Variants in SGCZ observed in about 807,000 individuals in gnomAD.
SGCZ encodes the protein sarcoglycan zeta.
In SGCZ, 40 loss-of-function variants were observed where a neutral mutation model predicts 41.3. That is an observed-to-expected ratio of 0.97 (90% CI 0.75 to 1.26). SGCZ has a LOEUF of 1.26. SGCZ is among the 50% of genes most tolerant of loss of function. The pLI is 0.00. For synonymous variants in SGCZ, 206 were observed against 137.5 expected, an observed-to-expected ratio of 1.50 and a Z score of -3.49; for missense variants, 552 against 369.8, an observed-to-expected ratio of 1.49 and a Z score of -4.04.
chr8:14,325,564 AATCATATATAATAG>A (rs1427293204), intron 2 of SGCZ, among the ~76,000 whole-genome samples: 49 of 144,996 alleles, frequency 3.4e-4, no homozygotes, highest in Non-Finnish European at 6.7e-4. Context: ...ATATAATCAT[AATCATATATAATAG>A]ATCATATATA....
chr8:15,222,081 A>G (rs1161034927), intron 1 of SGCZ, among the ~76,000 whole-genome samples: 2 of 152,232 alleles, frequency 1.3e-5, no homozygotes, highest in Non-Finnish European at 2.9e-5. Context: ...AATTATATGT[A>G]AGTTGGTTAG....
At chr8:14,577,250 C>T (rs1395678629) in intron 1 of SGCZ, among the ~76,000 whole-genome samples, 1 of 152,132 alleles carries the variant, frequency 6.6e-6, no homozygotes, top group Non-Finnish European at 1.5e-5. Context: ...AAACAACTTA[C>T]TGCTGTTTTT....
intron 1 of SGCZ, among the ~76,000 whole-genome samples, chr8:14,748,100 C>T (rs923279556): frequency 6.6e-6 from 1 of 152,078 alleles, no homozygotes; most frequent in African/African-American, 2.4e-5. Context: ...ATCACATACG[C>T]TTCTCAAAGG....
intron 1 of SGCZ, among the ~76,000 whole-genome samples, chr8:15,058,536 C>T (rs1804799122): frequency 6.6e-6 from 1 of 152,154 alleles, no homozygotes; most frequent in Non-Finnish European, 1.5e-5. Context: ...GCACCTTAAG[C>T]TGATTTTACT....
At chr8:14,261,961 T>A (rs1381459423) in intron 3 of SGCZ, among the ~76,000 whole-genome samples, 1 of 152,102 alleles carries the variant, frequency 6.6e-6, no homozygotes, top group Non-Finnish European at 1.5e-5. Flanking sequence ...CTCACACGAG[T>A]TGAAAGATAA....
intron 1 of SGCZ, among the ~76,000 whole-genome samples, chr8:14,653,682 T>C (rs1807472712): frequency 6.6e-6 from 1 of 152,068 alleles, no homozygotes; most frequent in Non-Finnish European, 1.5e-5. Flanking sequence ...TTCTCATTCC[T>C]GTCCCTGAAG....
chr8:14,641,986 A>G (rs1807041396), intron 1 of SGCZ, among the ~76,000 whole-genome samples: 1 of 151,642 alleles, frequency 6.6e-6, no homozygotes. Flanking sequence ...GCAGGGATGC[A>G]AGGCCTTGGA....
At chr8:14,328,763 C>T (rs1202237426) in intron 2 of SGCZ, among the ~76,000 whole-genome samples, 1 of 152,086 alleles carries the variant, frequency 6.6e-6, no homozygotes, top group Non-Finnish European at 1.5e-5. Context: ...AACTTAAGGG[C>T]CAATGTGATA....
intron 1 of SGCZ, among the ~76,000 whole-genome samples, chr8:15,031,587 G>A (rs1803664250): frequency 5.3e-5 from 8 of 152,152 alleles, no homozygotes; most frequent in Admixed American, 5.2e-4. Flanking sequence ...AGAAAGTCAA[G>A]GAATATGTGC....
At chr8:14,156,319 G>C (rs141223446) in intron 5 of SGCZ, among the ~76,000 whole-genome samples, 197 of 152,114 alleles carry the variant, frequency 1.3e-3, no homozygotes, top group African/African-American at 4.5e-3. Context: ...AGTTAGCCGG[G>C]CGTGGTGGTG....
intron 4 of SGCZ, among the ~76,000 whole-genome samples, chr8:14,175,507 G>C (rs765699561): frequency 1.3e-5 from 2 of 152,098 alleles, no homozygotes; most frequent in African/African-American, 2.4e-5. Context: ...TATGCATTCT[G>C]AGGTTGCATT....
chr8:14,233,484 G>A (rs901239130), intron 4 of SGCZ, among the ~76,000 whole-genome samples: 1 of 150,520 alleles, frequency 6.6e-6, no homozygotes, highest in Non-Finnish European at 1.5e-5. Flanking sequence ...CATTTTCAGT[G>A]ATCCAAATTA....
intron 1 of SGCZ, among the ~76,000 whole-genome samples, chr8:14,988,339 C>G (rs926513439): frequency 2.6e-5 from 4 of 151,878 alleles, no homozygotes; most frequent in African/African-American, 4.8e-5. Context: ...ATATACCATA[C>G]TTTCTTTTTT....
At chr8:14,963,582 A>T (rs865904645) in intron 1 of SGCZ, among the ~76,000 whole-genome samples, 16 of 152,056 alleles carry the variant, frequency 1.1e-4, no homozygotes, top group South Asian at 4.1e-4. Flanking sequence ...ACCTGACCTC[A>T]AGTGATCCAC....
At chr8:14,591,054 T>C (rs1279183387) in intron 1 of SGCZ, among the ~76,000 whole-genome samples, 1 of 151,378 alleles carries the variant, frequency 6.6e-6, no homozygotes, top group Non-Finnish European at 1.5e-5. Context: ...AGAGACTTGC[T>C]CAATGTTGTG....
rs1055108071 is a variant in SGCZ at position 14,926,560 on chromosome 8, TATATATTTCTTGGGGAA to T, written c.39+311008_39+311024del. Among the ~76,000 whole-genome samples, 22 of 152,194 alleles carry T rather than the reference TATATATTTCTTGGGGAA, an allele frequency of 1.4e-4. 1 individual carries two copies. The highest frequency in any genetic ancestry group is 9.2e-4 in the Admixed American group (14 of 15,278). On this transcript the variant is annotated intron_variant, in intron 1 of 7. Transcript: ENST00000382080. ...TTTCACCATCCTGATTTCTTGGGGT[TATATATTTCTTGGGGAA>T]ATATATTTCTTGGGCAAACTCAGTA... is the stretch of plus-strand genomic sequence containing the variant.
chr8:14,685,907 T>A (rs1163609304), intron 1 of SGCZ, among the ~76,000 whole-genome samples: 1 of 152,110 alleles, frequency 6.6e-6, no homozygotes, highest in Non-Finnish European at 1.5e-5. Context: ...CAAACCAGTG[T>A]ACTAGAATTC....
intron 1 of SGCZ, among the ~76,000 whole-genome samples, chr8:15,115,541 A>G (rs532371177): frequency 6.6e-6 from 1 of 152,374 alleles, no homozygotes; most frequent in South Asian, 2.1e-4. Context: ...TTAGCTACAA[A>G]TAACTTGAAT....
intron 1 of SGCZ, among the ~76,000 whole-genome samples, chr8:14,914,817 T>G (rs1190331997): frequency 6.6e-6 from 1 of 152,206 alleles, no homozygotes; most frequent in Non-Finnish European, 1.5e-5. Flanking sequence ...GGAGAGCTAC[T>G]GTGGGAAAGA....
Sources: gnomAD v4.1 joint callset for allele counts (sites outside exome capture counted in the v4.1 genomes callset) on GRCh38, gnomAD v4.1.1 for gene constraint, MANE v1.5 for transcripts, NCBI Gene and HGNC (gene_info 2026-07-23, HGNC 2026-07-21) for gene names.